The following SLC41A3 variants were observed in gnomAD, a reference collection of about 807,000 sequenced individuals.
SLC41A3 encodes SLC41A1-like 2.
In SLC41A3, 44 loss-of-function variants were observed where a neutral mutation model predicts 45.4. That is an observed-to-expected ratio of 0.97 (90% CI 0.76 to 1.25). The LOEUF (loss-of-function observed/expected upper bound fraction) is 1.25. SLC41A3 is among the 50% of genes most tolerant of loss of function. The pLI is 0.00. For missense variants in SLC41A3, 550 were observed against 600.6 expected (o/e 0.92, Z 0.88); for synonymous variants, 256 against 252.4 (o/e 1.01, Z -0.13).
chr3:126,053,545 A>T (rs1401489434), intron 2 of SLC41A3, among the ~76,000 whole-genome samples: 1 of 152,218 alleles, frequency 6.6e-6, no homozygotes, highest in Non-Finnish European at 1.5e-5. Context: ...ACTTCTTTAC[A>T]GAGATAATCA....
At chr3:126,084,772 A>C (rs1945339718), upstream of SLC41A3, among the ~76,000 whole-genome samples, 1 of 152,220 alleles carries the variant, frequency 6.6e-6, no homozygotes, top group Non-Finnish European at 1.5e-5. Context: ...TTTAAACCAA[A>C]AAATAAATGA....
At chr3:126,022,025 G>A (rs1188720247) in intron 6 of SLC41A3, among the ~76,000 whole-genome samples, 5 of 152,254 alleles carry the variant, frequency 3.3e-5, no homozygotes, top group East Asian at 1.9e-4. Flanking sequence ...TGTGGGGGGC[G>A]TGACTGAAGC....
At chr3:126,035,066 A>G (rs1942083493) in intron 3 of SLC41A3, among the ~76,000 whole-genome samples, 1 of 152,194 alleles carries the variant, frequency 6.6e-6, no homozygotes, top group Non-Finnish European at 1.5e-5. Flanking sequence ...GAGGCTGAGG[A>G]GCTCAGACAT....
At chr3:126,060,007 C>T (rs972111626) in intron 2 of SLC41A3, among the ~76,000 whole-genome samples, 26 of 152,192 alleles carry the variant, frequency 1.7e-4, no homozygotes, top group African/African-American at 6.0e-4. Context: ...CCTGGAACCA[C>T]CCTCATCAGC....
At chr3:126,036,280 A>G (rs1942184357) in intron 3 of SLC41A3, among the ~76,000 whole-genome samples, 2 of 152,212 alleles carry the variant, frequency 1.3e-5, no homozygotes, top group African/African-American at 4.8e-5. Context: ...TGGGCCTGTG[A>G]GGCTGCCCTG....
At chr3:126,064,581 CA>C (rs1944254882) in intron 2 of SLC41A3, among the ~76,000 whole-genome samples, 3 of 152,120 alleles carry the variant, frequency 2.0e-5, no homozygotes, top group Admixed American at 6.5e-5. Flanking sequence ...CCCTCACCAG[CA>C]GAGTAAAGAG....
chr3:126,082,107 A>C (rs969471023), intron 1 of SLC41A3, among the ~76,000 whole-genome samples: 1 of 152,242 alleles, frequency 6.6e-6, no homozygotes, highest in African/African-American at 2.4e-5. Flanking sequence ...AGCTGTGGAC[A>C]TGGCCAAAGG....
chr3:126,016,790 G>T lies in SLC41A3; in HGVS notation c.831C>A (p.Pro277=). The T allele has an allele frequency of 6.2e-7, 1 of 1,612,854 alleles. No homozygotes were observed. Among genetic ancestry groups the T allele is most frequent in the Non-Finnish European group, 8.5e-7 (1 of 1,179,626 alleles). The change falls in exon 7 of 11, where the codon CCC becomes CCA. Residue 277 remains proline (P), a synonymous_variant. Coordinates refer to ENST00000360370, the MANE Select transcript of SLC41A3 (RefSeq NM_017836.4). ...AGCCAAACTTCAGGATCTTCACGAT[G>T]GGTGGGCTCTGCTTGGCAATGAGGA... The part of the protein sequence containing the change: ...VWVLIAKQSP[P]IVKILKFGWF...
chr3:126,051,114 TGA>T, intron 2 of SLC41A3, 64 bp from the exon 3 acceptor site: 1 of 1,459,064 alleles, frequency 6.9e-7, no homozygotes, highest in South Asian at 1.6e-5. Context: ...GGAAATTTCT[TGA>T]GAGAACCTTC....
At chr3:126,010,688 T>A (rs1358960706) in intron 9 of SLC41A3, among the ~76,000 whole-genome samples, 2 of 152,214 alleles carry the variant, frequency 1.3e-5, no homozygotes, top group Non-Finnish European at 2.9e-5. Flanking sequence ...AGAACTTTCA[T>A]CTCTACCCAG....
intron 2 of SLC41A3, among the ~76,000 whole-genome samples, chr3:126,052,294 C>T (rs1178109865): frequency 9.9e-5 from 15 of 152,120 alleles, no homozygotes; most frequent in Admixed American, 5.2e-4. Flanking sequence ...GGTGGGCCTC[C>T]GTCCTCAGCA....
intron 2 of SLC41A3, among the ~76,000 whole-genome samples, chr3:126,052,012 G>A (rs779765391): frequency 2.0e-5 from 3 of 152,174 alleles, no homozygotes; most frequent in Non-Finnish European, 2.9e-5. Context: ...TGAAGGTGAA[G>A]AGATCAGACC....
chr3:126,039,368 G>C (rs1942427756), intron 3 of SLC41A3, among the ~76,000 whole-genome samples: 1 of 152,194 alleles, frequency 6.6e-6, no homozygotes, highest in Non-Finnish European at 1.5e-5. Flanking sequence ...GAATCTCATT[G>C]TAGAAGAATA....
intron 1 of SLC41A3, among the ~76,000 whole-genome samples, chr3:126,068,471 A>G (rs2108021174): frequency 6.6e-6 from 1 of 152,340 alleles, no homozygotes; most frequent in Middle Eastern, 3.4e-3. Context: ...GCACAAACAT[A>G]TATGGGCTAA....
intron 4 of SLC41A3, among the ~76,000 whole-genome samples, chr3:126,032,177 C>G (rs936593297): frequency 4.6e-5 from 7 of 152,182 alleles, no homozygotes. Flanking sequence ...ACAGCGCGGC[C>G]AGGCCCACAG....
At chr3:126,059,311 G>GAAAGAAAGAAAGAAAGAAGGAAAGAAAGA (rs1576331873) in intron 2 of SLC41A3, among the ~76,000 whole-genome samples, 4 of 81,060 alleles carry the variant, frequency 4.9e-5, no homozygotes, top group African/African-American at 1.9e-4. Context: ...AGAAAGAAAG[G>GAAAGAAAGAAAGAAAGAAGGAAAGAAAGA]AAGGATGATC....
Position 126,076,688 on chromosome 3 carries a change from C to A in SLC41A3, c.-28+7405G>T, listed in dbSNP as rs118143235. Among the ~76,000 whole-genome samples the A allele has an allele frequency of 2.0e-5, 3 of 152,344 alleles. No individual in the cohort carries two copies. In the East Asian group the frequency reaches 5.8e-4, roughly 29 times the overall value. On this transcript the variant is annotated intron_variant, in intron 1 of 10. Coordinates refer to ENST00000360370, the MANE Select transcript of SLC41A3 (RefSeq NM_017836.4). ...AGCCCCTCTCTGATAACAACTCATT[C>A]CTCCCCACCCGAGGTGATACTAGCC...
intron 3 of SLC41A3, among the ~76,000 whole-genome samples, chr3:126,048,558 C>A (rs1943114801): frequency 6.6e-6 from 1 of 152,198 alleles, no homozygotes; most frequent in Non-Finnish European, 1.5e-5. Flanking sequence ...AAGTTTTTCT[C>A]TCCCTTTCCA....
chr3:126,036,879 T>C (rs1393871409), intron 3 of SLC41A3, among the ~76,000 whole-genome samples: 1 of 152,186 alleles, frequency 6.6e-6, no homozygotes. Context: ...ACATTTTATT[T>C]GGGAATAATT....
Sources: allele counts gnomAD v4.1 joint callset (sites outside exome capture counted in the v4.1 genomes callset), GRCh38; gene constraint gnomAD v4.1.1; transcripts MANE v1.5; gene names NCBI Gene and HGNC (gene_info 2026-07-23, HGNC 2026-07-21).